INPP4B: variants seen among roughly 807,000 people sequenced by gnomAD.
The protein encoded by INPP4B is inositol polyphosphate 4-phosphatase type II.
Under a neutral mutation model 122.5 loss-of-function variants are expected in INPP4B, and 55 were observed. The ratio of observed to expected loss-of-function variants is 0.45; its 90% CI spans 0.36 to 0.56. INPP4B has a LOEUF of 0.56. INPP4B is among the 20% of genes least tolerant of loss of function. The pLI, the probability that INPP4B is intolerant of heterozygous loss-of-function variation, is 0.00. For missense variants in INPP4B, 1,000 were observed against 1,097.7 expected, an observed-to-expected ratio of 0.91 and a Z score of 1.26; for synonymous variants, 403 against 388.7, an observed-to-expected ratio of 1.04 and a Z score of -0.43.
intron 14 of INPP4B, among the ~76,000 whole-genome samples, chr4:142,193,576 G>A (rs2627829): frequency 0.88 from 133,093 of 152,082 alleles, 59,043 homozygotes; most frequent in East Asian, 0.96. Context: ...CAACAATAAC[G>A]AACAATCTTT....
chr4:142,290,195 C>CTTTTTT (rs35260066), intron 9 of INPP4B, among the ~76,000 whole-genome samples: 47 of 77,504 alleles, frequency 6.1e-4, no homozygotes, highest in East Asian at 8.6e-4. Context: ...TTCTTTCTTC[C>CTTTTTT]TTTTTTTTTT....
intron 25 of INPP4B, among the ~76,000 whole-genome samples, chr4:142,076,494 C>G (rs1770774361): frequency 6.6e-6 from 1 of 151,952 alleles, no homozygotes; most frequent in Admixed American, 6.6e-5. Context: ...GAAGGTGACT[C>G]TCTCTCTCAG....
intron 15 of INPP4B, among the ~76,000 whole-genome samples, chr4:142,186,428 T>G (rs181145001): frequency 1.3e-5 from 2 of 152,178 alleles, no homozygotes; most frequent in African/African-American, 2.4e-5. Flanking sequence ...AGTCTATGAA[T>G]TGTCTGAGAT....
At chr4:142,176,154 A>ATTATTAT (rs1561383360) in intron 15 of INPP4B, among the ~76,000 whole-genome samples, 2 of 145,234 alleles carry the variant, frequency 1.4e-5, no homozygotes, top group South Asian at 4.3e-4. Context: ...TATTATTATT[A>ATTATTAT]TACTTTAAGT....
At chr4:142,482,394 A>T (rs924878640) in intron 2 of INPP4B, among the ~76,000 whole-genome samples, 1 of 152,190 alleles carries the variant, frequency 6.6e-6, no homozygotes, top group African/African-American at 2.4e-5. Flanking sequence ...ATATCATATT[A>T]TCCAATTAAG....
At chr4:142,714,797 C>G (rs192224762) in intron 2 of INPP4B, among the ~76,000 whole-genome samples, 1 of 152,050 alleles carries the variant, frequency 6.6e-6, no homozygotes, top group African/African-American at 2.4e-5. Flanking sequence ...TATGTGCTCA[C>G]GAGGACTCTC....
chr4:142,256,790 G>C (rs1447092033), intron 11 of INPP4B, among the ~76,000 whole-genome samples: 3 of 152,166 alleles, frequency 2.0e-5, no homozygotes, highest in Non-Finnish European at 4.4e-5. Context: ...GGAGGAACTG[G>C]TACCATTCCT....
rs375852825 is a variant in INPP4B at position 142,490,076 on chromosome 4, T to C, written c.-190-27350A>G. Among the ~76,000 whole-genome samples the C allele has an allele frequency of 4.2e-3, 642 of 152,122 alleles. 8 individuals are homozygous for C. Among genetic ancestry groups the C allele is most frequent in the African/African-American group, 0.015 (607 of 41,508 alleles). On this transcript the variant is annotated intron_variant, in intron 2 of 25. Coordinates refer to ENST00000262992, the MANE Select transcript of INPP4B (RefSeq NM_001101669.3). The stretch of plus-strand genomic sequence containing the variant: ...GTTTTATGGTTTTATTATAATTATT[T>C]TCTTTCCTTTTTTTTTGTTCAGACA...
intron 2 of INPP4B, among the ~76,000 whole-genome samples, chr4:142,511,632 A>G (rs959636315): frequency 6.6e-6 from 1 of 152,140 alleles, no homozygotes; most frequent in African/African-American, 2.4e-5. Context: ...AAACACTCCA[A>G]TCCCCAGACT....
intron 16 of INPP4B, among the ~76,000 whole-genome samples, chr4:142,164,027 T>C (rs1191049453): frequency 5.3e-5 from 8 of 151,838 alleles, no homozygotes; most frequent in African/African-American, 1.4e-4. Flanking sequence ...TCTATTTTAT[T>C]TTTTCATATT....
At chr4:142,212,379 A>G (rs919262544) in intron 12 of INPP4B, among the ~76,000 whole-genome samples, 8 of 152,184 alleles carry the variant, frequency 5.3e-5, no homozygotes, top group African/African-American at 1.4e-4. Flanking sequence ...CTCTACCAGC[A>G]TTTCAGCTGG....
At chr4:142,790,545 A>G (rs1285078010) in intron 1 of INPP4B, among the ~76,000 whole-genome samples, 1 of 152,062 alleles carries the variant, frequency 6.6e-6, no homozygotes, top group African/African-American at 2.4e-5. Flanking sequence ...AAATGGCCAT[A>G]ATCAAAACAT....
chr4:142,146,100 G>C (rs1810562405), intron 17 of INPP4B, 104 bp from the exon 18 acceptor site: 3 of 1,253,896 alleles, frequency 2.4e-6, no homozygotes, highest in Non-Finnish European at 3.4e-6. Flanking sequence ...GTAGTCATTA[G>C]AATGCAGATT....
At chr4:142,068,044 C>G (rs1162864334) in intron 25 of INPP4B, among the ~76,000 whole-genome samples, 1 of 151,944 alleles carries the variant, frequency 6.6e-6, no homozygotes, top group Non-Finnish European at 1.5e-5. Flanking sequence ...TTCACAAAAG[C>G]TGAAAGGAAG....
chr4:142,558,663 C>A (rs1318736008), intron 2 of INPP4B, among the ~76,000 whole-genome samples: 2 of 148,606 alleles, frequency 1.3e-5, no homozygotes, highest in Admixed American at 6.7e-5. Flanking sequence ...GTTGGGGGGG[C>A]AGTGTGGGGA....
chr4:142,237,925 T>G lies in INPP4B; in HGVS notation c.775A>C (p.Ile259Leu). The part of the protein sequence containing the change: ...MRIREQMSES[I>L]LSFHIPKELI... Reference sequence around the variant, plus strand: ...TCCTTAGGAATATGAAAGGAAAGAATGCTCTCTGACATCTGCTCTCGAATT... The same window carrying G: ...TCCTTAGGAATATGAAAGGAAAGAAGGCTCTCTGACATCTGCTCTCGAATT... The change falls in exon 12 of 26, where the codon ATT (isoleucine) becomes CTT (leucine). Residue 259 changes from isoleucine (I) to leucine (L), a missense_variant. Physicochemically the swap from Ile to Leu is conservative, Grantham distance 5. Transcript: ENST00000262992. 6.3e-7 allele frequency: 1 copy of G among 1,580,970 alleles called. No individual in the cohort carries two copies.
intron 2 of INPP4B, among the ~76,000 whole-genome samples, chr4:142,499,828 C>T (rs1823130319): frequency 6.6e-6 from 1 of 152,112 alleles, no homozygotes; most frequent in Non-Finnish European, 1.5e-5. Context: ...AAACCTCTTA[C>T]ATCTACAAAG....
At chr4:142,622,003 T>C (rs1371185873) in intron 2 of INPP4B, among the ~76,000 whole-genome samples, 1 of 151,872 alleles carries the variant, frequency 6.6e-6, no homozygotes, top group African/African-American at 2.4e-5. Flanking sequence ...AGTAAGTAAA[T>C]TGAAAATTGA....
intron 2 of INPP4B, among the ~76,000 whole-genome samples, chr4:142,680,472 CT>C (rs1758463972): frequency 6.6e-6 from 1 of 151,698 alleles, no homozygotes; most frequent in Non-Finnish European, 1.5e-5. Flanking sequence ...CAACCTGATT[CT>C]TTGTTTATAG....
Sources: gnomAD v4.1 joint callset for allele counts (sites outside exome capture counted in the v4.1 genomes callset) on GRCh38, gnomAD v4.1.1 for gene constraint, MANE v1.5 for transcripts, NCBI Gene and HGNC (gene_info 2026-07-23, HGNC 2026-07-21) for gene names.